Variants in NME7 observed in about 807,000 individuals in gnomAD.
NME7 encodes the protein nucleoside diphosphate kinase 7.
Under a neutral mutation model 49.1 loss-of-function variants are expected in NME7, and 41 were observed. That is an observed-to-expected ratio of 0.83 (90% confidence interval 0.65 to 1.08). NME7 has a LOEUF of 1.08. Among genes scored for constraint, NME7 ranks in the 50% least tolerant of loss-of-function variants. The pLI, the probability that NME7 is intolerant of heterozygous loss-of-function variation, is 0.00. For synonymous variants in NME7, 139 were observed against 150.6 expected (o/e 0.92, Z 0.56); for missense variants, 423 against 463.4 (o/e 0.91, Z 0.80).
intron 10 of NME7, among the ~76,000 whole-genome samples, chr1:169,200,672 A>C (rs2101777514): frequency 6.6e-6 from 1 of 152,204 alleles, no homozygotes; most frequent in East Asian, 1.9e-4. Flanking sequence ...TGTACACCCT[A>C]CAGTCCACTG....
At chr1:169,322,399 A>C (rs1048719864) in intron 3 of NME7, 3 of 152,206 alleles carry the variant, frequency 2.0e-5, no homozygotes, top group Non-Finnish European at 4.4e-5. Context: ...GATGCCAGCC[A>C]GTGGGAAACT....
chr1:169,321,932 T>G (rs934917513), intron 3 of NME7, among the ~76,000 whole-genome samples: 9 of 134,622 alleles, frequency 6.7e-5, no homozygotes, highest in Non-Finnish European at 1.4e-4. Flanking sequence ...CACCAATCAC[T>G]CTACAGGAAA....
intron 3 of NME7, chr1:169,322,347 C>G (rs1651878361): frequency 6.6e-6 from 1 of 152,162 alleles, no homozygotes. Flanking sequence ...GTTTCTCTCA[C>G]AGAAAGAGCC....
intron 7 of NME7, among the ~76,000 whole-genome samples, chr1:169,248,902 G>A (rs2101842793): frequency 6.6e-6 from 1 of 151,538 alleles, no homozygotes; most frequent in Non-Finnish European, 1.5e-5. Flanking sequence ...CTGATAATGT[G>A]ATGCCTCTAC....
At chr1:169,173,482 A>G (rs922612792) in intron 10 of NME7, among the ~76,000 whole-genome samples, 6 of 152,138 alleles carry the variant, frequency 3.9e-5, no homozygotes, top group African/African-American at 1.4e-4. Context: ...ATGAAACTTA[A>G]AGATATAAAA....
rs1659281149 is a variant in NME7, at chr1:169,162,558, T to C, written c.1098+6889A>G. On this transcript the variant is annotated intron_variant, in intron 11 of 11. Coordinates refer to ENST00000367811, the MANE Select transcript of NME7 (RefSeq NM_013330.5). ...TGTTTTAATGTTTAAAAAATATAAATACAGGCCAGGCATGGTGACTCTCAC... is the reference window on the plus strand; with the variant it reads ...TGTTTTAATGTTTAAAAAATATAAACACAGGCCAGGCATGGTGACTCTCAC... Among the ~76,000 whole-genome samples, 5 of 152,050 alleles carry C rather than the reference T, an allele frequency of 3.3e-5. No individual in the cohort carries two copies. In the South Asian group the frequency reaches 1.0e-3, roughly 32 times the overall value.
intron 6 of NME7, among the ~76,000 whole-genome samples, chr1:169,288,378 C>A (rs528194149): frequency 3.2e-4 from 48 of 152,166 alleles, no homozygotes; most frequent in Non-Finnish European, 5.9e-4. Context: ...CATGCATGCT[C>A]AAGTCCTGCA....
chr1:169,135,071 T>TCTCA (rs1047088062), intron 11 of NME7, among the ~76,000 whole-genome samples: 2 of 144,538 alleles, frequency 1.4e-5, no homozygotes, highest in African/African-American at 5.1e-5. Flanking sequence ...ACGCCTGTGA[T>TCTCA]CTCAGCTACT....
chr1:169,145,614 C>T (rs553182667), intron 11 of NME7, among the ~76,000 whole-genome samples: 1 of 152,188 alleles, frequency 6.6e-6, no homozygotes, highest in Admixed American at 6.5e-5. Context: ...TTGCTCAGAC[C>T]ATAGTGGTAA....
intron 9 of NME7, among the ~76,000 whole-genome samples, chr1:169,234,176 T>A (rs1427994752): frequency 1.3e-5 from 2 of 152,180 alleles, no homozygotes; most frequent in African/African-American, 4.8e-5. Flanking sequence ...ACAAATTTTT[T>A]AAACAAAAAA....
At position 169,287,314 on chromosome 1, in the gene NME7, G is replaced by A. The variant is rs1224236949; in HGVS notation, c.743C>T (p.Ala248Val). The change falls in exon 7 of 12, where the codon GCT becomes GTT. Residue 248 changes from alanine to valine, a missense_variant. Coordinates refer to ENST00000367811, the MANE Select transcript of NME7 (RefSeq NM_013330.5). ...NCTCCIVKPH[A>V]VSEGLLGKIL... ...TGTATTCAACATACCTTCACTGACAGCATGGGGTTTAACAATGCAACAGGT... is the reference window on the plus strand; with the variant it reads ...TGTATTCAACATACCTTCACTGACAACATGGGGTTTAACAATGCAACAGGT... 6.2e-7 allele frequency: 1 copy of A among 1,611,242 alleles called. No individual in the cohort carries two copies. The highest frequency in any genetic ancestry group is 2.2e-5 in the East Asian group (1 of 44,748).
intron 10 of NME7, among the ~76,000 whole-genome samples, chr1:169,228,583 A>C (rs1439850985): frequency 1.3e-5 from 2 of 150,656 alleles, no homozygotes; most frequent in Non-Finnish European, 3.0e-5. Context: ...AGGCTGAGGC[A>C]GGAGAATGGC....
At chr1:169,276,292 A>G (rs1287465706) in intron 7 of NME7, among the ~76,000 whole-genome samples, 1 of 133,712 alleles carries the variant, frequency 7.5e-6, no homozygotes, top group African/African-American at 2.5e-5. Flanking sequence ...CTCTGGTACA[A>G]TTCGGCTGTG....
At chr1:169,340,980 G>C (rs374170136) in intron 1 of NME7, among the ~76,000 whole-genome samples, 1 of 152,134 alleles carries the variant, frequency 6.6e-6, no homozygotes, top group Admixed American at 6.5e-5. Context: ...TGGTAGAAAA[G>C]AAAAACCCAT....
chr1:169,328,096 G>A (rs975414530), intron 1 of NME7, among the ~76,000 whole-genome samples: 2 of 152,092 alleles, frequency 1.3e-5, no homozygotes, highest in African/African-American at 4.8e-5. Context: ...GCTGCTGCTG[G>A]TGCTACTGCT....
intron 7 of NME7, among the ~76,000 whole-genome samples, chr1:169,240,372 C>G (rs1375613937): frequency 1.3e-5 from 2 of 151,870 alleles, no homozygotes; most frequent in Non-Finnish European, 2.9e-5. Context: ...CAGCTGGACT[C>G]TCACATTTAC....
chr1:169,232,097 T>C (rs1289822163), intron 9 of NME7, among the ~76,000 whole-genome samples: 1 of 151,962 alleles, frequency 6.6e-6, no homozygotes, highest in Non-Finnish European at 1.5e-5. Flanking sequence ...TACAAGGAAA[T>C]ATAAACTTGG....
At chr1:169,305,337 A>G (rs1237203525) in intron 4 of NME7, among the ~76,000 whole-genome samples, 1 of 152,226 alleles carries the variant, frequency 6.6e-6, no homozygotes, top group Non-Finnish European at 1.5e-5. Flanking sequence ...CTTTCAAGAA[A>G]TATTTACTTA....
At position 169,160,960 on chromosome 1, in the gene NME7, C is replaced by T. The variant is rs564048203; in HGVS notation, c.1098+8487G>A. Among the ~76,000 whole-genome samples the T allele has an allele frequency of 5.3e-5, 8 of 152,278 alleles. No individual in the cohort carries two copies. The South Asian group carries it at 1.7e-3, about 32-fold the overall frequency. Reference sequence around the variant, plus strand: ...GAAACCAGAATTTTCTCCTGAATTACTTAATAGACTTCTACCTAGTCTCTG... The same window carrying T: ...GAAACCAGAATTTTCTCCTGAATTATTTAATAGACTTCTACCTAGTCTCTG... On this transcript the variant is annotated intron_variant, in intron 11 of 11. Coordinates refer to ENST00000367811, the MANE Select transcript of NME7 (RefSeq NM_013330.5).
Sources: gnomAD v4.1 joint callset for allele counts (sites outside exome capture counted in the v4.1 genomes callset) on GRCh38, gnomAD v4.1.1 for gene constraint, MANE v1.5 for transcripts, NCBI Gene and HGNC (gene_info 2026-07-23, HGNC 2026-07-21) for gene names.